Variants in KLC3 observed in about 807,000 individuals in gnomAD.
KLC3 encodes kinesin light chain 3, also known as kinesin light chain 2.
Under a neutral mutation model 62.9 loss-of-function variants are expected in KLC3, and 72 were observed. That is an observed-to-expected ratio of 1.15 (90% CI 0.95 to 1.39). The LOEUF is 1.39. KLC3 is among the 40% of genes most tolerant of loss of function. The probability of loss-of-function intolerance (pLI) is 0.00; values close to 1 mark genes in which losing one functional copy is unlikely to be tolerated. For missense variants in KLC3, 848 were observed against 691.6 expected (o/e 1.23, Z -2.54); for synonymous variants, 377 against 300.5 (o/e 1.25, Z -2.63).
intron 11 of KLC3, 70 bp downstream of exon 11, chr19:45,350,817 CCATCTT>C: frequency 7.4e-7 from 1 of 1,359,250 alleles, no homozygotes; most frequent in Non-Finnish European, 1.0e-6. Context: ...ACCCCCACCC[CCATCTT>C]GCTCAAGAAC....
intron 1 of KLC3, among the ~76,000 whole-genome samples, chr19:45,343,022 C>T (rs1326218428): frequency 6.6e-6 from 1 of 152,200 alleles, no homozygotes; most frequent in Non-Finnish European, 1.5e-5. Flanking sequence ...TCTGTTCCGA[C>T]AGTGGAGCTG....
At chr19:45,342,773 ATAAAAT>A (rs1971418788) in intron 1 of KLC3, among the ~76,000 whole-genome samples, 2 of 152,134 alleles carry the variant, frequency 1.3e-5, no homozygotes, top group Non-Finnish European at 2.9e-5. Flanking sequence ...TCTCAAAAAA[ATAAAAT>A]TAAATTTTTT....
intron 1 of KLC3, among the ~76,000 whole-genome samples, chr19:45,341,776 C>CGTGTGTGTGTGT (rs3047585): frequency 8.9e-5 from 12 of 134,946 alleles, no homozygotes; most frequent in African/African-American, 2.8e-4. Context: ...GCCGTGTGTG[C>CGTGTGTGTGTGT]GTGTGTGTGT....
chr19:45,345,102 C>T (rs1971461461), intron 1 of KLC3: 6 of 242,106 alleles, frequency 2.5e-5, no homozygotes, highest in South Asian at 1.9e-4. Context: ...CTCACTCTGC[C>T]GGCAGAGGAG....
chr19:45,351,022 G>A lies in KLC3; in HGVS notation c.1443+5G>A. 2 of 1,614,146 alleles carry A rather than the reference G, an allele frequency of 1.2e-6. No individual in the cohort carries two copies. The highest frequency in any genetic ancestry group is 1.3e-5 in the African/African-American group (1 of 75,026). ...CCAAGGGCTCCTGGGACTCAGGTGA[G>A]GGGGACATCTGGGTCAAAAATAGAG... On this transcript the variant is annotated splice_donor_5th_base_variant and intron_variant, in intron 12 of 12. Transcript: ENST00000391946.
At chr19:45,350,582 G>A in intron 10 of KLC3, 31 bp downstream of exon 10, 3 of 1,613,896 alleles carry the variant, frequency 1.9e-6, no homozygotes, top group Non-Finnish European at 2.5e-6. Context: ...GGCTCCTGGG[G>A]TGGGCGTGGG....
At chr19:45,347,375 A>G in intron 3 of KLC3, 72 bp from the exon 4 acceptor site, 1 of 1,055,562 alleles carries the variant, frequency 9.5e-7, no homozygotes, top group Non-Finnish European at 1.4e-6. Context: ...CAAAAACCTG[A>G]GATAGAGCCA....
rs1971678622 is a variant in KLC3 at position 45,350,436 on chromosome 19, G to GC, written c.1234+9dup. On this transcript the variant is annotated splice_donor_region_variant and intron_variant, in intron 9 of 12. Coordinates refer to ENST00000391946, the MANE Select transcript of KLC3 (RefSeq NM_177417.3). The stretch of plus-strand genomic sequence containing the variant: ...AGGACCTACCCGCCCCTCTCGGTGA[G>GC]CCCCTAGCCCCTGTCTGTCTTCCCT... 1 of 1,612,882 alleles carries GC rather than the reference G, an allele frequency of 6.2e-7. No individual in the cohort carries two copies. Among genetic ancestry groups the GC allele is most frequent in the Admixed American group, 1.7e-5 (1 of 59,902 alleles).
chr19:45,348,885 G>T lies in KLC3; in HGVS notation c.933G>T (p.Glu311Asp). 1 of 1,588,212 alleles carries T rather than the reference G, an allele frequency of 6.3e-7. No individual in the cohort carries two copies. The highest frequency in any genetic ancestry group is 8.6e-7 in the Non-Finnish European group (1 of 1,167,720). ...AGCGTGGGCGTTACCGGGAGGCAGAGCCCCTGTGCCAGCGCGCTTTGGAGA... is the reference window on the plus strand; with the variant it reads ...AGCGTGGGCGTTACCGGGAGGCAGATCCCCTGTGCCAGCGCGCTTTGGAGA... Reference protein sequence around the residue: ...YGKRGRYREAEPLCQRALEIR... With the variant: ...YGKRGRYREADPLCQRALEIR... The change falls in exon 7 of 13, where the codon GAG (glutamate) becomes GAT (aspartate). Residue 311 changes from glutamate (E) to aspartate (D), a missense_variant. Transcript: ENST00000391946.
In KLC3 at chr19:45,350,648, G is replaced by T. The variant is rs369584425; in HGVS notation, c.1280G>T (p.Arg427Leu). 1.1e-5 allele frequency: 17 copies of T among 1,613,180 alleles called. No individual in the cohort carries two copies. The African/African-American group carries it at 2.0e-4, about 19-fold the overall frequency. ...TCCCCGGCCCCTCCCCAGGCCCTTC[G>T]CCGCAGCAGCTCACTCTCCAAGATC... ...GTAGDAEQAL[R>L]RSSSLSKIRE... is the part of the protein sequence containing the mutation. Residue 427 changes from arginine (R) to leucine (L), a missense_variant, in exon 11 of 13, where the codon CGC becomes CTC. Physicochemically the swap from Arg to Leu is moderately radical, Grantham distance 102 (BLOSUM62 -2). Transcript: ENST00000391946.
At chr19:45,350,806 CA>C (rs767615912) in intron 11 of KLC3, 59 bp downstream of exon 11, 37,431 of 1,348,144 alleles carry the variant, frequency 0.028, 643 homozygotes, top group Non-Finnish European at 0.031. Context: ...CAGCCCACCC[CA>C]CCCCCACCCC....
At chr19:45,341,952 G>A (rs987520775) in intron 1 of KLC3, among the ~76,000 whole-genome samples, 5 of 152,144 alleles carry the variant, frequency 3.3e-5, no homozygotes, top group African/African-American at 7.2e-5. Context: ...GGGGGTCCGC[G>A]TCAGGGATCA....
In KLC3 at chr19:45,348,853, T is replaced by C; in HGVS notation, c.901T>C (p.Tyr301His). Residue 301 changes from tyrosine to histidine, a missense_variant, in exon 7 of 13, where the codon TAT becomes CAT. Physicochemically the swap from Tyr to His is moderately conservative, Grantham distance 83. Transcript: ENST00000391946. ...CACGCTCAACAACTTGGCTGTCCTC[T>C]ATGGGAAGCGTGGGCGTTACCGGGA... ...AATLNNLAVLYGKRGRYREAE... is the reference protein window; with the variant it reads ...AATLNNLAVLHGKRGRYREAE... 6.3e-7 allele frequency: 1 copy of C among 1,579,748 alleles called. No individual in the cohort carries two copies. The highest frequency in any genetic ancestry group is 8.6e-7 in the Non-Finnish European group (1 of 1,162,952).
chr19:45,348,533 C>T, intron 5 of KLC3, 113 bp from the exon 6 acceptor site: 1 of 1,000,796 alleles, frequency 1.0e-6, no homozygotes, highest in Non-Finnish European at 1.5e-6. Context: ...GGTGTGCCAC[C>T]CATGCTTGGT....
chr19:45,347,340 CAAAAAAAAA>C (rs538695727), intron 3 of KLC3, 98 bp from the exon 4 acceptor site: 1 of 491,114 alleles, frequency 2.0e-6, no homozygotes, highest in Non-Finnish European at 3.3e-6. Context: ...AACTCCGTCT[CAAAAAAAAA>C]AAAAAAACAA....
intron 6 of KLC3, 35 bp from the exon 7 acceptor site, chr19:45,348,784 GC>G (rs1971577898): frequency 6.4e-7 from 1 of 1,562,160 alleles, no homozygotes; most frequent in African/African-American, 1.4e-5. Flanking sequence ...GGCCACACCT[GC>G]CCATCCCTGA....
chr19:45,350,022 G>T, intron 8 of KLC3: 1 of 448,050 alleles, frequency 2.2e-6, no homozygotes. Flanking sequence ...AGAAACAGGA[G>T]GCTGCCTGTC....
intron 1 of KLC3, chr19:45,345,285 G>C: frequency 1.6e-6 from 1 of 607,588 alleles, no homozygotes; most frequent in Non-Finnish European, 2.9e-6. Flanking sequence ...TGTCCTCAGG[G>C]CAGAACCCTG....
rs1338005052 is a variant in KLC3 at position 45,349,521 on chromosome 19, G to A, written c.1062G>A (p.Arg354=). 6.2e-7 allele frequency: 1 copy of A among 1,614,058 alleles called. No individual in the cohort carries two copies. Among genetic ancestry groups the A allele is most frequent in the East Asian group, 2.2e-5 (1 of 44,880 alleles). ...QNQGKFEDVE[R]HYARALSIYE... ...AGGGCAAGTTTGAGGACGTGGAGCG[G>A]CACTATGCCCGGGCCCTGAGCATCT... The change falls in exon 8 of 13, where the codon CGG becomes CGA. Residue 354 remains arginine (R), a synonymous_variant. Coordinates refer to ENST00000391946, the MANE Select transcript of KLC3 (RefSeq NM_177417.3).
Sources: gnomAD v4.1 joint callset for allele counts (sites outside exome capture counted in the v4.1 genomes callset) on GRCh38, gnomAD v4.1.1 for gene constraint, MANE v1.5 for transcripts, NCBI Gene and HGNC (gene_info 2026-07-23, HGNC 2026-07-21) for gene names.